Variants in VIRMA observed in about 807,000 individuals in gnomAD.
VIRMA encodes the protein vir like m6A methyltransferase associated.
Under a neutral mutation model 182.4 loss-of-function variants are expected in VIRMA, and 65 were observed. That is an observed-to-expected ratio of 0.36 (90% CI 0.29 to 0.44). The LOEUF (loss-of-function observed/expected upper bound fraction) is 0.44, where lower values mean the gene tolerates loss of function less well. VIRMA is among the 20% of genes least tolerant of loss of function. The pLI, the probability that VIRMA is intolerant of heterozygous loss-of-function variation, is 1.00. For missense variants in VIRMA, 1,752 were observed against 2,158.1 expected, an observed-to-expected ratio of 0.81 and a Z score of 3.73; for synonymous variants, 709 against 743.1, an observed-to-expected ratio of 0.95 and a Z score of 0.75.
intron 2 of VIRMA, among the ~76,000 whole-genome samples, chr8:94,541,698 C>T (rs899989553): frequency 6.6e-6 from 1 of 152,152 alleles, no homozygotes; most frequent in East Asian, 1.9e-4. Context: ...TGCACCACCA[C>T]AGCTGGCTAA....
intron 17 of VIRMA, chr8:94,497,959 C>G (rs1813848281): frequency 6.6e-6 from 1 of 152,426 alleles, no homozygotes; most frequent in South Asian, 2.1e-4. Context: ...CTGCAGTGAG[C>G]CATGATCACA....
chr8:94,532,622 C>T (rs1050137048), intron 5 of VIRMA, among the ~76,000 whole-genome samples: 1 of 152,134 alleles, frequency 6.6e-6, no homozygotes, highest in African/African-American at 2.4e-5. Flanking sequence ...CACAGGACTT[C>T]CCTGTACATT....
chr8:94,499,973 C>T (rs779165384), intron 16 of VIRMA, among the ~76,000 whole-genome samples: 5 of 144,696 alleles, frequency 3.5e-5, no homozygotes, highest in Non-Finnish European at 6.0e-5. Flanking sequence ...ATCACTTAAA[C>T]GATTGGGAGG....
chr8:94,501,268 A>C (rs1268627521), intron 16 of VIRMA, among the ~76,000 whole-genome samples: 3 of 151,292 alleles, frequency 2.0e-5, no homozygotes, highest in African/African-American at 7.3e-5. Flanking sequence ...AAAAAAAAAA[A>C]AAAAAAAAAC....
chr8:94,528,247 A>AG (rs1815041321), intron 7 of VIRMA, among the ~76,000 whole-genome samples: 1 of 151,774 alleles, frequency 6.6e-6, no homozygotes, highest in South Asian at 2.1e-4. Context: ...AAAAAAAAAA[A>AG]AAAGAAAGAA....
chr8:94,489,000 C>A, intron 23 of VIRMA, 140 bp from the exon 24 acceptor site: 1 of 789,022 alleles, frequency 1.3e-6, no homozygotes, highest in Non-Finnish European at 1.9e-6. Flanking sequence ...GTGAATGGGC[C>A]AAAGATTTTT....
chr8:94,488,273 AG>A lies in VIRMA; in HGVS notation c.*432del, dbSNP rs1226866014. 1 of 155,558 alleles carries A rather than the reference AG, an allele frequency of 6.4e-6. No homozygotes were observed. Among genetic ancestry groups the A allele is most frequent in the African/African-American group, 2.4e-5 (1 of 41,484 alleles). The allele number at this position is 155,558 out of a possible 1,614,324, so 9.6% of individuals were successfully genotyped here. A position where few individuals can be genotyped will look rare whatever the true frequency, so the allele number is the denominator to read the frequency against. ...GAGACATGCAGTGTCCACAGTTACT[AG>A]TGGTGATGATGTACATTCTTATTAA... On this transcript the variant is annotated 3_prime_UTR_variant, in exon 24 of 24. Transcript: ENST00000297591.
intron 20 of VIRMA, 36 bp downstream of exon 20, chr8:94,494,824 A>G (rs1368659572): frequency 7.6e-6 from 9 of 1,183,990 alleles, no homozygotes; most frequent in South Asian, 1.3e-5. Context: ...AGAAAAAACA[A>G]TAACGTTTTT....
intron 1 of VIRMA, among the ~76,000 whole-genome samples, chr8:94,549,322 C>A (rs1293333482): frequency 6.6e-6 from 1 of 152,212 alleles, no homozygotes; most frequent in African/African-American, 2.4e-5. Flanking sequence ...TACCATATTA[C>A]AAATTCCTTT....
intron 17 of VIRMA, chr8:94,498,925 C>T (rs1335998816): frequency 6.6e-6 from 1 of 152,330 alleles, no homozygotes; most frequent in Admixed American, 6.6e-5. Context: ...TAAAAAGGTA[C>T]AAAAAATTAG....
intron 5 of VIRMA, 137 bp downstream of exon 5, chr8:94,534,700 CCT>C: frequency 2.2e-6 from 2 of 899,244 alleles, no homozygotes; most frequent in Admixed American, 2.8e-5. Flanking sequence ...CTCCTCCCTC[CCT>C]CTCTCCCCCT....
In VIRMA at chr8:94,519,010, C is replaced by G; in HGVS notation, c.2488G>C (p.Glu830Gln). 4.3e-6 allele frequency: 7 copies of G among 1,612,946 alleles called. No homozygotes were observed. Among genetic ancestry groups the G allele is most frequent in the Non-Finnish European group, 5.9e-6 (7 of 1,179,646 alleles). The change falls in exon 9 of 24, where the codon GAG becomes CAG. Residue 830 changes from glutamate (E) to glutamine (Q), a missense_variant. By Grantham distance (29) the Glu-to-Gln change is conservative. Transcript: ENST00000297591. ...KNLQSLITLM[E>Q]YYSKEALGDS... ...CCCAAGGCTTCTTTGGAATAGTACTCCATTAGAGTAATAAGACTTTGGAGA... is the reference window on the plus strand; with the variant it reads ...CCCAAGGCTTCTTTGGAATAGTACTGCATTAGAGTAATAAGACTTTGGAGA...
chr8:94,537,154 G>C lies in VIRMA; in HGVS notation c.267-3C>G. The C allele has an allele frequency of 6.3e-7, 1 of 1,583,204 alleles. No individual in the cohort carries two copies. Among genetic ancestry groups the C allele is most frequent in the Non-Finnish European group, 8.7e-7 (1 of 1,152,170 alleles). On this transcript the variant is annotated splice_polypyrimidine_tract_variant and splice_region_variant and intron_variant, in intron 3 of 23. Transcript: ENST00000297591. ...AAGTATTCTCATCATATTCCAGGCT[G>C]TCAAGAGAGTAGAAATAAATATGTA...
intron 1 of VIRMA, among the ~76,000 whole-genome samples, chr8:94,553,151 A>C (rs1055484062): frequency 2.0e-5 from 3 of 152,174 alleles, no homozygotes; most frequent in South Asian, 2.1e-4. Flanking sequence ...CCATGCAAGC[A>C]GAAAAGCCAA....
chr8:94,545,324 T>G (rs3098713), intron 1 of VIRMA, among the ~76,000 whole-genome samples: 18,265 of 152,188 alleles, frequency 0.12, 1,597 homozygotes, highest in African/African-American at 0.24. Context: ...TATTACCAAG[T>G]GGTCAAAGTC....
At chr8:94,491,033 G>C (rs1163975463) in intron 22 of VIRMA, among the ~76,000 whole-genome samples, 2 of 151,738 alleles carry the variant, frequency 1.3e-5, no homozygotes, top group African/African-American at 4.9e-5. Context: ...GGAAAATAAG[G>C]CTGAGCACGG....
chr8:94,507,592 CA>C (rs1350730506), intron 15 of VIRMA, among the ~76,000 whole-genome samples: 1 of 151,512 alleles, frequency 6.6e-6, no homozygotes, highest in Non-Finnish European at 1.5e-5. Context: ...CCCTCTCTAC[CA>C]AAAATACAAA....
chr8:94,492,060 A>C (rs1333886163), intron 21 of VIRMA, 151 bp from the exon 22 acceptor site: 1 of 570,526 alleles, frequency 1.8e-6, no homozygotes, highest in African/African-American at 1.9e-5. Context: ...ATAATATAAC[A>C]AACTAGCTAA....
At chr8:94,501,571 G>A (rs1322839366) in intron 16 of VIRMA, among the ~76,000 whole-genome samples, 1 of 152,172 alleles carries the variant, frequency 6.6e-6, no homozygotes, top group African/African-American at 2.4e-5. Flanking sequence ...AGCAAATATA[G>A]ATAATGAGAG....
Sources: allele counts gnomAD v4.1 joint callset (sites outside exome capture counted in the v4.1 genomes callset), GRCh38; gene constraint gnomAD v4.1.1; transcripts MANE v1.5; gene names NCBI Gene and HGNC (gene_info 2026-07-23, HGNC 2026-07-21).